Variants in RMDN2 observed in about 807,000 individuals in gnomAD.
The protein encoded by RMDN2 is regulator of microtubule dynamics 2.
A neutral mutation model predicts 52.8 loss-of-function variants in RMDN2; 61 were observed. That is an observed-to-expected ratio of 1.16 (90% CI 0.94 to 1.43). The LOEUF (loss-of-function observed/expected upper bound fraction) is 1.43, where lower values mean the gene tolerates loss of function less well. Ranked by LOEUF, RMDN2 falls within the 40% of genes most tolerant of loss-of-function variation. RMDN2 has a pLI of 0.00. For missense variants in RMDN2, 592 were observed against 475.3 expected (o/e 1.25, Z -2.28); for synonymous variants, 180 against 153.1 (o/e 1.18, Z -1.30).
chr2:37,935,548 CAT>C (rs1667214866), intron 2 of RMDN2, among the ~76,000 whole-genome samples: 1 of 152,168 alleles, frequency 6.6e-6, no homozygotes, highest in Admixed American at 6.5e-5. Flanking sequence ...AAAAATGAAA[CAT>C]CACGTATATA....
intron 10 of RMDN2, among the ~76,000 whole-genome samples, chr2:38,051,789 T>G (rs1391732582): frequency 6.6e-6 from 1 of 152,228 alleles, no homozygotes; most frequent in Non-Finnish European, 1.5e-5. Flanking sequence ...TGTCTTTCTG[T>G]GCCTGACTGA....
intron 10 of RMDN2, among the ~76,000 whole-genome samples, chr2:38,057,427 A>G (rs942754836): frequency 6.6e-5 from 10 of 152,158 alleles, no homozygotes; most frequent in African/African-American, 1.9e-4. Flanking sequence ...TCTTTCTACT[A>G]TTTAAAAGTG....
intron 10 of RMDN2, among the ~76,000 whole-genome samples, chr2:38,024,743 C>A (rs557106861): frequency 6.6e-6 from 1 of 152,104 alleles, no homozygotes; most frequent in Non-Finnish European, 1.5e-5. Context: ...ATCTAATACT[C>A]TATAACATAT....
chr2:37,975,211 G>A lies in RMDN2; in HGVS notation c.628-1G>A. ...CAGGCAACTCCATCTTTTCTTTTCA[G>A]TTTAGAGATGAAATAGAGTTTATGT... On this transcript the variant is annotated splice_acceptor_variant, in intron 3 of 10. Transcript: ENST00000354545. LOFTEE classifies it high-confidence loss of function. The A allele has an allele frequency of 6.4e-7, 1 of 1,574,278 alleles. No individual in the cohort carries two copies. Among genetic ancestry groups the A allele is most frequent in the Non-Finnish European group, 8.7e-7 (1 of 1,144,268 alleles).
intron 10 of RMDN2, among the ~76,000 whole-genome samples, chr2:38,007,411 A>G (rs964153851): frequency 6.6e-6 from 1 of 152,096 alleles, no homozygotes; most frequent in Non-Finnish European, 1.5e-5. Context: ...AAGAGATTCA[A>G]CTTCTTCCTG....
At chr2:38,053,882 G>A (rs1441347794) in intron 10 of RMDN2, among the ~76,000 whole-genome samples, 2 of 152,204 alleles carry the variant, frequency 1.3e-5, no homozygotes, top group African/African-American at 4.8e-5. Context: ...TGACTCTAAT[G>A]TGCAGCCAGC....
chr2:37,929,295 C>A lies in RMDN2; in HGVS notation c.18C>A (p.Asn6Lys). 3 of 1,530,222 alleles carry A rather than the reference C, an allele frequency of 2.0e-6. No homozygotes were observed. The highest frequency in any genetic ancestry group is 2.6e-6 in the Non-Finnish European group (3 of 1,136,984). 94.8% of individuals were successfully genotyped at this position (1,530,222 alleles called of 1,614,324 possible). ...ACCAAGAAATGCCTTATTCCACAAACAAAGAGTTGATACTTGGCATCATGG... is the reference window on the plus strand; with the variant it reads ...ACCAAGAAATGCCTTATTCCACAAAAAAAGAGTTGATACTTGGCATCATGG... MPYST[N>K]KELILGIMVG... Residue 6 changes from asparagine to lysine, a missense_variant, in exon 2 of 11, where the codon AAC (asparagine) becomes AAA (lysine). By Grantham distance (94) the Asn-to-Lys change is moderately conservative. Coordinates refer to ENST00000354545, the MANE Select transcript of RMDN2 (RefSeq NM_001170791.3).
At chr2:37,978,200 A>T (rs1050657633) in intron 4 of RMDN2, among the ~76,000 whole-genome samples, 5 of 151,932 alleles carry the variant, frequency 3.3e-5, no homozygotes, top group African/African-American at 9.7e-5. Flanking sequence ...CGTGCCTGCA[A>T]TCGCAGGTAC....
chr2:38,039,093 CAGAGAGAG>C (rs149752868), intron 10 of RMDN2, among the ~76,000 whole-genome samples: 8 of 91,592 alleles, frequency 8.7e-5, no homozygotes, highest in Admixed American at 3.7e-4. Flanking sequence ...CACACACACA[CAGAGAGAG>C]AGATAAAATG....
downstream of RMDN2, among the ~76,000 whole-genome samples, chr2:38,018,267 C>G (rs1282115926): frequency 6.6e-6 from 1 of 152,136 alleles, no homozygotes; most frequent in African/African-American, 2.4e-5. Context: ...ATGGAGCATT[C>G]TCATACACGG....
chr2:38,004,715 T>G (rs1341573366), intron 10 of RMDN2, among the ~76,000 whole-genome samples: 6 of 152,060 alleles, frequency 3.9e-5, no homozygotes, highest in African/African-American at 1.4e-4. Flanking sequence ...TTATTATACT[T>G]TAAGTTTTAG....
At chr2:38,001,986 C>T (rs1027536688) in intron 8 of RMDN2, among the ~76,000 whole-genome samples, 4 of 152,130 alleles carry the variant, frequency 2.6e-5, no homozygotes, top group African/African-American at 7.2e-5. Flanking sequence ...GCTGTCTCTC[C>T]AGCAGGTTTC....
chr2:38,048,032 T>G (rs1199379861), intron 10 of RMDN2, among the ~76,000 whole-genome samples: 1 of 152,374 alleles, frequency 6.6e-6, no homozygotes, highest in African/African-American at 2.4e-5. Context: ...GATGTGCTGA[T>G]TACCTGAGAT....
chr2:37,924,587 G>C (rs1004334292), upstream of RMDN2, among the ~76,000 whole-genome samples: 1 of 151,942 alleles, frequency 6.6e-6, no homozygotes, highest in African/African-American at 2.4e-5. Context: ...TACTGGTCTC[G>C]AATTCCTGAC....
At chr2:38,050,753 T>TTTG (rs760343199) in intron 10 of RMDN2, among the ~76,000 whole-genome samples, 3 of 152,220 alleles carry the variant, frequency 2.0e-5, no homozygotes, top group Admixed American at 2.0e-4. Context: ...TTTGTTTTAG[T>TTTG]TTGTTGTTGT....
intron 4 of RMDN2, among the ~76,000 whole-genome samples, chr2:37,978,021 C>G (rs1450094068): frequency 6.6e-6 from 1 of 152,200 alleles, no homozygotes; most frequent in Non-Finnish European, 1.5e-5. Flanking sequence ...TGCACTCCAG[C>G]CTGGGCAACA....
intron 10 of RMDN2, among the ~76,000 whole-genome samples, chr2:38,061,882 G>A (rs765562715): frequency 1.3e-5 from 2 of 152,134 alleles, no homozygotes; most frequent in Non-Finnish European, 2.9e-5. Flanking sequence ...CCCAAAGGCT[G>A]GTATTCTGCC....
At position 37,988,798 on chromosome 2, in the gene RMDN2, G is replaced by A. The variant is rs753767124; in HGVS notation, c.792-743G>A. ...GGTAGAAACACTCTGAATGTGAAAA[G>A]CAACATATCTTCAATTTTTCCAGTA... On this transcript the variant is annotated intron_variant, in intron 5 of 10. Coordinates refer to ENST00000354545, the MANE Select transcript of RMDN2 (RefSeq NM_001170791.3). 5.2e-4 allele frequency among the ~76,000 whole-genome samples: 79 copies of A among 152,232 alleles called. No individual in the cohort carries two copies. In the Middle Eastern group the frequency reaches 0.014, roughly 26 times the overall value.
chr2:37,980,958 A>G (rs1261110228), intron 4 of RMDN2, among the ~76,000 whole-genome samples: 1 of 152,254 alleles, frequency 6.6e-6, no homozygotes, highest in East Asian at 1.9e-4. Context: ...TGAATGGAAT[A>G]CAGAAAATTT....
Sources: gnomAD v4.1 joint callset for allele counts (sites outside exome capture counted in the v4.1 genomes callset) on GRCh38, gnomAD v4.1.1 for gene constraint, MANE v1.5 for transcripts, NCBI Gene and HGNC (gene_info 2026-07-23, HGNC 2026-07-21) for gene names.